CDON: variants seen among roughly 807,000 people sequenced by gnomAD.
CDON encodes cell adhesion molecule-related/down-regulated by oncogenes.
Under a neutral mutation model 120.9 loss-of-function variants are expected in CDON, and 73 were observed. That is an observed-to-expected ratio of 0.60 (90% CI 0.50 to 0.73). The LOEUF (loss-of-function observed/expected upper bound fraction) is 0.73, where lower values mean the gene tolerates loss of function less well. Among genes scored for constraint, CDON ranks in the 30% least tolerant of loss-of-function variants. CDON has a pLI of 0.00. For synonymous variants in CDON, 566 were observed against 573.5 expected (o/e 0.99, Z 0.19); for missense variants, 1,470 against 1,587.3 (o/e 0.93, Z 1.26).
At chr11:126,036,503 T>C (rs963368655) in intron 1 of CDON, among the ~76,000 whole-genome samples, 13 of 152,094 alleles carry the variant, frequency 8.5e-5, no homozygotes, top group African/African-American at 2.7e-4. Flanking sequence ...CTTAAGGCTT[T>C]TGTATTATAC....
chr11:126,003,375 C>T (rs897782448), intron 10 of CDON, among the ~76,000 whole-genome samples: 6 of 152,156 alleles, frequency 3.9e-5, no homozygotes, highest in African/African-American at 1.4e-4. Flanking sequence ...ATCATCTATC[C>T]TCATTGCCTT....
intron 18 of CDON, among the ~76,000 whole-genome samples, chr11:125,965,166 G>C (rs1414413387): frequency 6.6e-6 from 1 of 152,134 alleles, no homozygotes; most frequent in African/African-American, 2.4e-5. Flanking sequence ...CCTGAGTTCA[G>C]GCAATCCACC....
At chr11:126,023,325 T>C in intron 2 of CDON, 76 bp downstream of exon 2, 3 of 917,174 alleles carry the variant, frequency 3.3e-6, no homozygotes, top group South Asian at 1.3e-5. Context: ...TCACAAAGCA[T>C]TGAAGTACAA....
intron 7 of CDON, chr11:126,014,758 GAAGATATCCC>G (rs1358690400): frequency 1.9e-5 from 3 of 157,212 alleles, no homozygotes; most frequent in African/African-American, 4.8e-5. Context: ...TACCATATGA[GAAGATATCCC>G]AAGATGTTAA....
chr11:125,971,369 C>T (rs112032876), intron 18 of CDON, among the ~76,000 whole-genome samples: 5,323 of 130,074 alleles, frequency 0.041, 181 homozygotes, highest in South Asian at 0.13. Flanking sequence ...GGCGACACAG[C>T]GAGACTCTGT....
intron 11 of CDON, among the ~76,000 whole-genome samples, chr11:126,000,299 C>G (rs1221837275): frequency 3.9e-5 from 6 of 152,300 alleles, no homozygotes; most frequent in Non-Finnish European, 2.9e-5. Context: ...CCTCAAATTC[C>G]TGGGCTCAAG....
At chr11:126,051,303 C>T (rs116436050) in intron 1 of CDON, among the ~76,000 whole-genome samples, 1 of 152,122 alleles carries the variant, frequency 6.6e-6, no homozygotes, top group East Asian at 1.9e-4. Flanking sequence ...TAACAATCTA[C>T]CTATCTGGGA....
rs752927316 is a variant in CDON at position 125,984,012 on chromosome 11, A to C, written c.2855T>G (p.Val952Gly). The change falls in exon 16 of 20, where the codon GTG becomes GGG. Residue 952 changes from valine to glycine, a missense_variant. Transcript: ENST00000531738. ...TCTGGCAGGGCTGGTTGCAGGCCCC[A>C]CATTTCCTCCACTTCCCAAAGAATT... ...PPNSLGSGGN[V>G]GPATSPARSS... 1 of 1,614,104 alleles carries C rather than the reference A, an allele frequency of 6.2e-7. No individual in the cohort carries two copies.
intron 1 of CDON, among the ~76,000 whole-genome samples, chr11:126,028,163 C>T (rs545046847): frequency 6.6e-6 from 1 of 152,092 alleles, no homozygotes; most frequent in African/African-American, 2.4e-5. Context: ...ACATTCAATA[C>T]AGAATGTGCA....
intron 18 of CDON, among the ~76,000 whole-genome samples, chr11:125,969,566 A>G (rs1265863781): frequency 2.6e-5 from 4 of 152,214 alleles, no homozygotes; most frequent in African/African-American, 9.6e-5. Context: ...TACTGGCTTA[A>G]GGTGGAATAA....
chr11:125,973,455 C>T (rs897221802), intron 18 of CDON, among the ~76,000 whole-genome samples: 11 of 152,248 alleles, frequency 7.2e-5, no homozygotes, highest in East Asian at 3.9e-4. Flanking sequence ...TGCTTGAACC[C>T]GGGAGGTGGA....
At chr11:126,048,951 C>A (rs2134894013) in intron 1 of CDON, among the ~76,000 whole-genome samples, 1 of 152,304 alleles carries the variant, frequency 6.6e-6, no homozygotes, top group African/African-American at 2.4e-5. Flanking sequence ...GATCCGCCCA[C>A]CTCGGCCTTC....
chr11:126,039,368 C>T (rs1948191549), intron 1 of CDON, among the ~76,000 whole-genome samples: 1 of 152,148 alleles, frequency 6.6e-6, no homozygotes, highest in African/African-American at 2.4e-5. Context: ...GCCCTAAAAA[C>T]ATTTTTTAAA....
intron 17 of CDON, among the ~76,000 whole-genome samples, chr11:125,980,562 A>G (rs1054213336): frequency 9.8e-5 from 15 of 152,316 alleles, no homozygotes; most frequent in African/African-American, 3.6e-4. Flanking sequence ...ATTTGGCAAC[A>G]CTGCGCCCTC....
intron 18 of CDON, among the ~76,000 whole-genome samples, chr11:125,962,543 CTTTT>C: frequency 6.6e-6 from 1 of 152,344 alleles, no homozygotes; most frequent in African/African-American, 2.4e-5. Context: ...AATTTTTCAA[CTTTT>C]TTCTTCACAG....
intron 5 of CDON, among the ~76,000 whole-genome samples, chr11:126,017,683 A>G (rs1271660456): frequency 2.0e-5 from 3 of 152,020 alleles, no homozygotes; most frequent in Non-Finnish European, 4.4e-5. Context: ...ATTACATCTG[A>G]AAGAAAGAGG....
At chr11:126,029,402 G>A (rs528127275) in intron 1 of CDON, among the ~76,000 whole-genome samples, 79 of 152,210 alleles carry the variant, frequency 5.2e-4, no homozygotes, top group African/African-American at 1.9e-3. Context: ...TACACCGTGT[G>A]GTTTTAACTC....
At chr11:126,011,624 T>A (rs1212129030) in intron 7 of CDON, among the ~76,000 whole-genome samples, 1 of 152,260 alleles carries the variant, frequency 6.6e-6, no homozygotes, top group African/African-American at 2.4e-5. Context: ...GATTCTGTTC[T>A]TTTGTTTAGG....
intron 1 of CDON, among the ~76,000 whole-genome samples, chr11:126,040,994 G>T (rs1260689194): frequency 6.6e-6 from 1 of 151,624 alleles, no homozygotes; most frequent in Non-Finnish European, 1.5e-5. Context: ...TTCCAGACCA[G>T]CCTGACCAAC....
Sources: gnomAD v4.1 joint callset for allele counts (sites outside exome capture counted in the v4.1 genomes callset) on GRCh38, gnomAD v4.1.1 for gene constraint, MANE v1.5 for transcripts, NCBI Gene and HGNC (gene_info 2026-07-23, HGNC 2026-07-21) for gene names.